The following SCARA5 variants were observed in gnomAD, a reference collection of about 807,000 sequenced individuals.
The protein encoded by SCARA5 is scavenger receptor class A, member 5 (putative).
SCARA5 carries 45 observed loss-of-function variants against 46.3 expected under a neutral mutation model. The observed-to-expected ratio is 0.97, with a 90% CI of 0.76 to 1.24. The LOEUF (loss-of-function observed/expected upper bound fraction) is 1.24. SCARA5 is among the 50% of genes most tolerant of loss of function. The pLI, the probability that SCARA5 is intolerant of heterozygous loss-of-function variation, is 0.00. For synonymous variants in SCARA5, 333 were observed against 306.5 expected (o/e 1.09, Z -0.90); for missense variants, 680 against 689.0 (o/e 0.99, Z 0.15).
At chr8:27,890,770 G>T (rs963282763) in intron 7 of SCARA5, among the ~76,000 whole-genome samples, 1 of 152,228 alleles carries the variant, frequency 6.6e-6, no homozygotes, top group Non-Finnish European at 1.5e-5. Context: ...GGATTTCATC[G>T]ATTTGTGCTG....
Position 27,925,694 on chromosome 8 carries a change from C to T in SCARA5, c.242-3449G>A, listed in dbSNP as rs534688416. 2.0e-5 allele frequency among the ~76,000 whole-genome samples: 3 copies of T among 152,260 alleles called. No individual in the cohort carries two copies. The South Asian group carries it at 6.2e-4, about 32-fold the overall frequency. Reference sequence around the variant, plus strand: ...AATGGGAGAACATTTTTGCAATCTACTCATCTGACAAAGGGCTAATATCCA... The same window carrying T: ...AATGGGAGAACATTTTTGCAATCTATTCATCTGACAAAGGGCTAATATCCA... On this transcript the variant is annotated intron_variant, in intron 3 of 8. Transcript: ENST00000354914.
Position 27,871,537 on chromosome 8 carries a change from G to T in SCARA5, c.*397C>A. The T allele has an allele frequency of 4.9e-6, 5 of 1,028,374 alleles. No individual in the cohort carries two copies. The highest frequency in any genetic ancestry group is 5.8e-6 in the Non-Finnish European group (5 of 856,146). 63.7% of individuals were successfully genotyped at this position (1,028,374 alleles called of 1,614,324 possible). A position where few individuals can be genotyped will look rare whatever the true frequency, so the allele number is the denominator to read the frequency against. On this transcript the variant is annotated 3_prime_UTR_variant, in exon 9 of 9. Transcript: ENST00000354914. ...TTTGGGAATTGTCTGAAGAGTAAAT[G>T]ATCTATACTACCAACCATCGCTGCT...
In SCARA5 at chr8:27,987,644, A is replaced by G. The variant is rs756430601; in HGVS notation, c.-15-14T>C. 8 of 1,503,044 alleles carry G rather than the reference A, an allele frequency of 5.3e-6. No homozygotes were observed. Among genetic ancestry groups the G allele is most frequent in the Non-Finnish European group, 7.4e-6 (8 of 1,078,760 alleles). The allele number at this position is 1,503,044 out of a possible 1,614,324, so 93.1% of individuals were successfully genotyped here. On this transcript the variant is annotated splice_polypyrimidine_tract_variant and intron_variant, in intron 1 of 8. Coordinates refer to ENST00000354914, the MANE Select transcript of SCARA5 (RefSeq NM_173833.6). ...ACCCTGCAACAGCTGCAGAGAAGGCAAGAGGGGAGGAGAGGGAGGACGAAG... is the reference window on the plus strand; with the variant it reads ...ACCCTGCAACAGCTGCAGAGAAGGCGAGAGGGGAGGAGAGGGAGGACGAAG...
chr8:27,927,771 C>T (rs1807705444), intron 3 of SCARA5, among the ~76,000 whole-genome samples: 1 of 152,114 alleles, frequency 6.6e-6, no homozygotes, highest in Admixed American at 6.5e-5. Flanking sequence ...CTTAAAAATT[C>T]CAGCCGAACT....
chr8:27,961,457 A>G (rs992570317), intron 3 of SCARA5, among the ~76,000 whole-genome samples: 1 of 152,254 alleles, frequency 6.6e-6, no homozygotes, highest in African/African-American at 2.4e-5. Context: ...ATGCTTGTAC[A>G]GCCTACGAAA....
At chr8:27,929,363 C>T (rs1165225574) in intron 3 of SCARA5, among the ~76,000 whole-genome samples, 2 of 152,158 alleles carry the variant, frequency 1.3e-5, no homozygotes, top group Admixed American at 1.3e-4. Flanking sequence ...TGCCTTCCCC[C>T]AATACATCAG....
intron 3 of SCARA5, among the ~76,000 whole-genome samples, chr8:27,942,233 A>G (rs1038807789): frequency 2.6e-5 from 4 of 152,136 alleles, no homozygotes; most frequent in African/African-American, 9.7e-5. Context: ...CCCAAGTCAG[A>G]GTATGTTCCA....
chr8:27,983,262 G>A lies in SCARA5; in HGVS notation c.112+4242C>T, dbSNP rs112987466. On this transcript the variant is annotated intron_variant, in intron 2 of 8. Transcript: ENST00000354914. ...TTCTCAGGTGGATGGGCAGGAGGGC[G>A]TGTGTGGGTGAACCAGGTGAAGGCT... Among the ~76,000 whole-genome samples the A allele has an allele frequency of 5.0e-3, 757 of 152,182 alleles. 6 individuals carry two copies. Among genetic ancestry groups the A allele is most frequent in the African/African-American group, 0.015 (610 of 41,556 alleles).
At chr8:27,885,336 G>C (rs1035344648) in intron 7 of SCARA5, among the ~76,000 whole-genome samples, 1 of 152,168 alleles carries the variant, frequency 6.6e-6, no homozygotes, top group African/African-American at 2.4e-5. Context: ...TTAGATCTCA[G>C]CTTAGATGCC....
At chr8:27,982,169 T>C (rs951259957) in intron 2 of SCARA5, among the ~76,000 whole-genome samples, 1 of 151,164 alleles carries the variant, frequency 6.6e-6, no homozygotes, top group Non-Finnish European at 1.5e-5. Flanking sequence ...ACGCCACGAG[T>C]GGAGGGGGCT....
chr8:27,888,064 C>CTT lies in SCARA5; in HGVS notation c.1154-8300_1154-8299dup, dbSNP rs148971774. 1.1e-4 allele frequency among the ~76,000 whole-genome samples: 16 copies of CTT among 149,074 alleles called. No homozygotes were observed. In the East Asian group the frequency reaches 3.1e-3, roughly 29 times the overall value. ...TGAGGCCTGAACTCTGATTGACGGA[C>CTT]TTTTTTTTTTGAGACAAGGTCTGGC... On this transcript the variant is annotated intron_variant, in intron 7 of 8. Transcript: ENST00000354914.
chr8:27,947,728 A>G (rs1202274657), intron 3 of SCARA5, among the ~76,000 whole-genome samples: 3 of 151,012 alleles, frequency 2.0e-5, no homozygotes, highest in Non-Finnish European at 4.4e-5. Flanking sequence ...AAAAAAAAAA[A>G]GTCAGGCATG....
chr8:27,925,822 T>G (rs1439108201), intron 3 of SCARA5, among the ~76,000 whole-genome samples: 3 of 152,278 alleles, frequency 2.0e-5, no homozygotes, highest in Middle Eastern at 3.4e-3. Context: ...AGAAGACATC[T>G]ATGCAGCCAA....
chr8:27,919,617 T>C (rs996360161), intron 4 of SCARA5, among the ~76,000 whole-genome samples: 1 of 151,792 alleles, frequency 6.6e-6, no homozygotes. Flanking sequence ...CTGCAGCAGT[T>C]CTCTCTGTGC....
chr8:27,921,435 TA>T, intron 4 of SCARA5, 135 bp downstream of exon 4: 1 of 698,720 alleles, frequency 1.4e-6, no homozygotes, highest in Non-Finnish European at 2.3e-6. Context: ...ACTTAGAGAG[TA>T]TGGGGCTGGG....
chr8:27,921,962 G>A lies in SCARA5; in HGVS notation c.525C>T (p.Gly175=). The change falls in exon 4 of 9, where the codon GGC becomes GGT. Residue 175 remains glycine (G), a synonymous_variant. Coordinates refer to ENST00000354914, the MANE Select transcript of SCARA5 (RefSeq NM_173833.6). The part of the protein sequence containing the change: ...QAVALLRDRT[G]QQSDTAQLEL... ...CCAGCTGCGCCGTGTCGCTCTGCTG[G>A]CCCGTGCGGTCCCGCAGCAGGGCCA... 3.9e-6 allele frequency: 6 copies of A among 1,544,502 alleles called. No homozygotes were observed. Among genetic ancestry groups the A allele is most frequent in the South Asian group, 1.2e-5 (1 of 82,234 alleles).
chr8:27,987,752 C>T, intron 1 of SCARA5, 122 bp from the exon 2 acceptor site: 1 of 639,062 alleles, frequency 1.6e-6, no homozygotes. Context: ...GACCCTAAGC[C>T]TGAACACCGG....
At chr8:27,915,077 C>T (rs930367204) in intron 4 of SCARA5, among the ~76,000 whole-genome samples, 1 of 152,232 alleles carries the variant, frequency 6.6e-6, no homozygotes, top group Non-Finnish European at 1.5e-5. Context: ...ATGCTAACCA[C>T]AGGCCGGCTG....
chr8:27,880,793 T>A (rs1269940305), intron 7 of SCARA5, among the ~76,000 whole-genome samples: 5 of 139,420 alleles, frequency 3.6e-5, no homozygotes, highest in Non-Finnish European at 6.0e-5. Context: ...AGGTTAAGGC[T>A]GCAGTGAGCC....
Sources: gnomAD v4.1 joint callset for allele counts (sites outside exome capture counted in the v4.1 genomes callset) on GRCh38, gnomAD v4.1.1 for gene constraint, MANE v1.5 for transcripts, NCBI Gene and HGNC (gene_info 2026-07-23, HGNC 2026-07-21) for gene names.